Variants in NR2C2 observed in about 807,000 individuals in gnomAD.
NR2C2 encodes the protein Nuclear hormone receptor TR4.
A neutral mutation model predicts 62.9 loss-of-function variants in NR2C2; 6 were observed. The observed-to-expected ratio is 0.10, with a 90% CI of 0.05 to 0.19. The LOEUF (loss-of-function observed/expected upper bound fraction) is 0.19, where lower values mean the gene tolerates loss of function less well. NR2C2 is among the 10% of genes least tolerant of loss of function. NR2C2 has a pLI of 1.00. For missense variants in NR2C2, 479 were observed against 762.7 expected (o/e 0.63, Z 4.38); for synonymous variants, 272 against 273.8 (o/e 0.99, Z 0.07).
intron 1 of NR2C2, among the ~76,000 whole-genome samples, chr3:14,994,183 T>C (rs112569939): frequency 0.019 from 2,942 of 152,312 alleles, 93 homozygotes; most frequent in African/African-American, 0.067. Context: ...CTCATCTGCG[T>C]ACTGATTTTA....
intron 3 of NR2C2, among the ~76,000 whole-genome samples, chr3:15,015,311 T>C (rs761466127): frequency 6.6e-6 from 1 of 152,258 alleles, no homozygotes; most frequent in Non-Finnish European, 1.5e-5. Context: ...CTTTCTTATA[T>C]TGATATCAGT....
chr3:14,950,141 A>G (rs1475041291), intron 1 of NR2C2, among the ~76,000 whole-genome samples: 2 of 152,258 alleles, frequency 1.3e-5, no homozygotes, highest in Admixed American at 1.3e-4. Flanking sequence ...ACATTGGACT[A>G]ATTAAGTGAT....
chr3:15,044,036 G>A lies in NR2C2; in HGVS notation c.*1028G>A, dbSNP rs2042363893. 1 of 152,204 alleles carries A rather than the reference G, an allele frequency of 6.6e-6. No individual in the cohort carries two copies. 9.4% of individuals were successfully genotyped at this position (152,204 alleles called of 1,614,324 possible). Reference sequence around the variant, plus strand: ...CCAGATGGAGGAGTGTGGCCTTGGAGTGTGAGCGTTACCTTCCCAGGGCTT... The same window carrying A: ...CCAGATGGAGGAGTGTGGCCTTGGAATGTGAGCGTTACCTTCCCAGGGCTT... On this transcript the variant is annotated 3_prime_UTR_variant, in exon 14 of 14. Transcript: ENST00000425241.
At chr3:14,978,208 A>T (rs2125317762) in intron 1 of NR2C2, among the ~76,000 whole-genome samples, 1 of 152,302 alleles carries the variant, frequency 6.6e-6, no homozygotes, top group South Asian at 2.1e-4. Context: ...AATGTTCCTT[A>T]ACTTGCAGTG....
chr3:15,024,298 T>G, intron 7 of NR2C2, 90 bp downstream of exon 7: 2 of 798,600 alleles, frequency 2.5e-6, no homozygotes, highest in Non-Finnish European at 4.1e-6. Flanking sequence ...CTTCCTGGCC[T>G]TCAGAGACCA....
At chr3:15,008,984 G>T (rs1218600917) in intron 2 of NR2C2, among the ~76,000 whole-genome samples, 1 of 152,200 alleles carries the variant, frequency 6.6e-6, no homozygotes, top group Non-Finnish European at 1.5e-5. Flanking sequence ...ACTTTGGGAG[G>T]CCGAGGTGGA....
chr3:14,975,175 G>A (rs937704162), intron 1 of NR2C2, among the ~76,000 whole-genome samples: 3 of 152,132 alleles, frequency 2.0e-5, no homozygotes, highest in Non-Finnish European at 4.4e-5. Flanking sequence ...CTGTGAATGA[G>A]GGATAATTTT....
rs1422130034 is a variant in NR2C2, at chr3:14,947,757, GCCCGCTGC to G, written c.-183_-176del. 2.0e-5 allele frequency: 3 copies of G among 148,400 alleles called. No homozygotes were observed. Among genetic ancestry groups the G allele is most frequent in the Non-Finnish European group, 3.0e-5 (2 of 66,724 alleles). The allele number at this position is 148,400 out of a possible 1,614,324, so 9.2% of individuals were successfully genotyped here. A position where few individuals can be genotyped will look rare whatever the true frequency, so the allele number is the denominator to read the frequency against. On this transcript the variant is annotated 5_prime_UTR_variant, in exon 1 of 14. Transcript: ENST00000425241. ...CTCCCACCTCGGCGTCTCGTCTCTC[GCCCGCTGC>G]CCCGCGAGCCCGCGGCCCCCGGGCT...
chr3:14,962,160 C>T (rs1183201127), intron 1 of NR2C2, among the ~76,000 whole-genome samples: 1 of 152,180 alleles, frequency 6.6e-6, no homozygotes, highest in African/African-American at 2.4e-5. Flanking sequence ...ATTAAATTTC[C>T]AAATTCATCT....
intron 13 of NR2C2, chr3:15,042,616 A>AG (rs1486522685): frequency 2.3e-6 from 1 of 437,988 alleles, no homozygotes; most frequent in East Asian, 3.5e-5. Context: ...ACAAGAGTGA[A>AG]GGGAACACAT....
At chr3:14,969,028 C>T (rs1437556159) in intron 1 of NR2C2, among the ~76,000 whole-genome samples, 8 of 145,254 alleles carry the variant, frequency 5.5e-5, no homozygotes, top group Non-Finnish European at 1.2e-4. Flanking sequence ...GGAGATATAC[C>T]TAATGCTAGA....
intron 1 of NR2C2, among the ~76,000 whole-genome samples, chr3:14,961,139 A>G (rs1302109719): frequency 6.6e-6 from 1 of 152,228 alleles, no homozygotes; most frequent in African/African-American, 2.4e-5. Flanking sequence ...CCTTGAAGAC[A>G]GGAGCCAGGT....
chr3:14,953,762 G>A (rs2039437607), intron 1 of NR2C2, among the ~76,000 whole-genome samples: 1 of 152,052 alleles, frequency 6.6e-6, no homozygotes, highest in Non-Finnish European at 1.5e-5. Flanking sequence ...GGGCGTGGTG[G>A]CAGGCGCCTG....
At chr3:14,949,028 C>T (rs1187074128) in intron 1 of NR2C2, among the ~76,000 whole-genome samples, 5 of 152,126 alleles carry the variant, frequency 3.3e-5, no homozygotes, top group Admixed American at 2.6e-4. Context: ...GAGAGGCAAG[C>T]GTTAAGGGTA....
Position 15,042,906 on chromosome 3 carries a change from T to C in NR2C2, c.1689T>C (p.Phe563=). 1 of 1,614,212 alleles carries C rather than the reference T, an allele frequency of 6.2e-7. No individual in the cohort carries two copies. The highest frequency in any genetic ancestry group is 8.5e-7 in the Non-Finnish European group (1 of 1,180,028). ...CCAACATAACAGAAGAACTTTTTTT[T>C]ACTGGTCTCATTGGCAATGTTTCGA... ...MSSNITEELF[F]TGLIGNVSID... Residue 563 remains phenylalanine (F), a synonymous_variant, in exon 14 of 14, where the codon TTT becomes TTC. Transcript: ENST00000425241.
At chr3:14,994,643 A>T (rs1559552033) in intron 1 of NR2C2, among the ~76,000 whole-genome samples, 1 of 150,786 alleles carries the variant, frequency 6.6e-6, no homozygotes, top group Non-Finnish European at 1.5e-5. Flanking sequence ...GGGTTTCACC[A>T]TGTTGGCCAG....
In NR2C2 at chr3:14,947,756, CGCCCGCTGCCCCGCGA is replaced by C; in HGVS notation, c.-183_-168del. 2 of 149,794 alleles carry C rather than the reference CGCCCGCTGCCCCGCGA, an allele frequency of 1.3e-5. No homozygotes were observed. Among genetic ancestry groups the C allele is most frequent in the South Asian group, 4.0e-4 (2 of 5,018 alleles). 9.3% of individuals were successfully genotyped at this position (149,794 alleles called of 1,614,324 possible). On this transcript the variant is annotated 5_prime_UTR_variant, in exon 1 of 14. Transcript: ENST00000425241. Reference sequence around the variant, plus strand: ...GCTCCCACCTCGGCGTCTCGTCTCTCGCCCGCTGCCCCGCGAGCCCGCGGCCCCCGGGCTCCCGCCA... The same window carrying C: ...GCTCCCACCTCGGCGTCTCGTCTCTCGCCCGCGGCCCCCGGGCTCCCGCCA...
chr3:14,957,964 G>C (rs539711948), intron 1 of NR2C2, among the ~76,000 whole-genome samples: 3 of 152,074 alleles, frequency 2.0e-5, no homozygotes, highest in African/African-American at 7.2e-5. Flanking sequence ...CCTCATACCT[G>C]CCAGTTTTGT....
At chr3:14,992,341 C>A (rs2040695835) in intron 1 of NR2C2, among the ~76,000 whole-genome samples, 1 of 151,928 alleles carries the variant, frequency 6.6e-6, no homozygotes, top group African/African-American at 2.4e-5. Flanking sequence ...TAATGAACTG[C>A]CAGGGCAGGT....
Sources: gnomAD v4.1 joint callset for allele counts (sites outside exome capture counted in the v4.1 genomes callset) on GRCh38, gnomAD v4.1.1 for gene constraint, MANE v1.5 for transcripts, NCBI Gene and HGNC (gene_info 2026-07-23, HGNC 2026-07-21) for gene names.